Variants in KLHDC4 observed in about 807,000 individuals in gnomAD.
The protein encoded by KLHDC4 is kelch domain-containing protein 4.
In KLHDC4, 90 loss-of-function variants were observed where a neutral mutation model predicts 62.4. The observed-to-expected ratio is 1.44, with a 90% CI of 1.22 to 1.72. The LOEUF (loss-of-function observed/expected upper bound fraction) is 1.72. Ranked by LOEUF, KLHDC4 falls within the 40% of genes most tolerant of loss-of-function variation. KLHDC4 has a pLI of 0.00. For synonymous variants in KLHDC4, 386 were observed against 284.4 expected (o/e 1.36, Z -3.59); for missense variants, 1,025 against 699.7 (o/e 1.47, Z -5.25).
intron 5 of KLHDC4, 68 bp downstream of exon 5, chr16:87,748,605 C>T: frequency 2.5e-6 from 4 of 1,591,688 alleles, no homozygotes; most frequent in Non-Finnish European, 2.6e-6. Context: ...CTGCTCCGAG[C>T]ACTCGGGCTC....
chr16:87,720,821 C>A (rs1440431781), intron 7 of KLHDC4, among the ~76,000 whole-genome samples: 4 of 152,262 alleles, frequency 2.6e-5, no homozygotes, highest in Non-Finnish European at 5.9e-5. Context: ...TGTGCCCTGC[C>A]ACAGCCGCAG....
chr16:87,764,524 C>T (rs2046322208), intron 1 of KLHDC4, among the ~76,000 whole-genome samples: 1 of 151,650 alleles, frequency 6.6e-6, no homozygotes, highest in African/African-American at 2.4e-5. Context: ...TGGTGCATGC[C>T]TGTAATCTCA....
intron 5 of KLHDC4, among the ~76,000 whole-genome samples, chr16:87,747,186 G>A (rs2043165567): frequency 6.6e-6 from 1 of 152,240 alleles, no homozygotes; most frequent in Non-Finnish European, 1.5e-5. Context: ...TCACCACAGA[G>A]GCACCGGAGC....
chr16:87,715,416 G>A (rs113293577), intron 7 of KLHDC4, among the ~76,000 whole-genome samples: 4 of 152,072 alleles, frequency 2.6e-5, no homozygotes, highest in Non-Finnish European at 4.4e-5. Flanking sequence ...GCACTGACCC[G>A]TTACCGGGAG....
At chr16:87,760,096 T>TA (rs1256024797) in intron 2 of KLHDC4, among the ~76,000 whole-genome samples, 1 of 152,068 alleles carries the variant, frequency 6.6e-6, no homozygotes, top group African/African-American at 2.4e-5. Context: ...CAAAAGATCT[T>TA]AATCTCAGGA....
At chr16:87,753,123 G>T (rs1054806896) in intron 4 of KLHDC4, among the ~76,000 whole-genome samples, 1 of 152,226 alleles carries the variant, frequency 6.6e-6, no homozygotes, top group Non-Finnish European at 1.5e-5. Context: ...CGCAGAGGCA[G>T]CTAAAAGTGG....
chr16:87,722,564 C>T (rs563151651), intron 7 of KLHDC4, among the ~76,000 whole-genome samples: 8 of 152,338 alleles, frequency 5.3e-5, no homozygotes, highest in African/African-American at 1.7e-4. Flanking sequence ...GCACCAGGCA[C>T]GCAAGTGGAC....
chr16:87,698,609 T>TC (rs1331368207), exon 1 of KLHDC4: 1 of 152,256 alleles, frequency 6.6e-6, no homozygotes, highest in Non-Finnish European at 1.5e-5. Context: ...CCCCTTGCCT[T>TC]CCAGCAGCGA....
chr16:87,706,434 T>G (rs1256337084), downstream of KLHDC4, among the ~76,000 whole-genome samples: 55 of 64,882 alleles, frequency 8.5e-4, no homozygotes, highest in African/African-American at 1.3e-3. Flanking sequence ...TCCAGGGGGG[T>G]CGGCGGAGGG....
rs2035798874 is a variant in KLHDC4, at chr16:87,711,397, G to A, written c.882C>T (p.Thr294=). Residue 294 remains threonine, a synonymous_variant, in exon 9 of 12, where the codon ACC becomes ACT. Transcript: ENST00000270583. The part of the protein sequence containing the change: ...TRMNPSGVKP[T]PRSGFSVAMA... ...TGGCCACGGAAAAGCCAGACCGTGG[G>A]GTGGGCTTGACCCCCGAAGGGTTCA... 1 of 1,613,462 alleles carries A rather than the reference G, an allele frequency of 6.2e-7. No individual in the cohort carries two copies. The highest frequency in any genetic ancestry group is 1.7e-5 in the Admixed American group (1 of 60,020).
rs985616641 is a variant in KLHDC4 at position 87,748,582 on chromosome 16, G to C, written c.506+91C>G. The stretch of plus-strand genomic sequence containing the variant: ...TGTGACCCAAGTTCCTCTGAACCCT[G>C]GTATTCTGAGGTCTGCTCCGAGCAC... On this transcript the variant is annotated intron_variant, in intron 5 of 11. Transcript: ENST00000270583. 3 of 1,502,908 alleles carry C rather than the reference G, an allele frequency of 2.0e-6. No individual in the cohort carries two copies. In the Admixed American group the frequency reaches 5.7e-5, roughly 29 times the overall value. The allele number at this position is 1,502,908 out of a possible 1,614,324, so 93.1% of individuals were successfully genotyped here. A position where few individuals can be genotyped will look rare whatever the true frequency, so the allele number is the denominator to read the frequency against.
intron 1 of KLHDC4, chr16:87,765,025 G>A (rs1398907553): frequency 4.7e-6 from 2 of 429,794 alleles, no homozygotes; most frequent in Non-Finnish European, 9.4e-6. Flanking sequence ...TCACCTGTTG[G>A]TCTTCCTGTC....
At chr16:87,752,747 T>C (rs919203832) in intron 4 of KLHDC4, among the ~76,000 whole-genome samples, 3 of 152,088 alleles carry the variant, frequency 2.0e-5, no homozygotes, top group African/African-American at 7.2e-5. Context: ...AAGAGCTTCG[T>C]ATAGCCTACG....
intron 4 of KLHDC4, among the ~76,000 whole-genome samples, chr16:87,749,935 C>T (rs925845141): frequency 3.9e-5 from 6 of 152,190 alleles, no homozygotes; most frequent in African/African-American, 1.2e-4. Context: ...GGTGAAGGAG[C>T]GCAGCGGGAG....
intron 4 of KLHDC4, among the ~76,000 whole-genome samples, chr16:87,752,089 C>CAAA (rs1173625123): frequency 0.2 from 5,929 of 29,080 alleles, 907 homozygotes; most frequent in East Asian, 0.32. Flanking sequence ...GACTTTGTCT[C>CAAA]AAAAAAAAAA....
At chr16:87,719,404 C>T (rs2037796149) in intron 7 of KLHDC4, among the ~76,000 whole-genome samples, 1 of 152,132 alleles carries the variant, frequency 6.6e-6, no homozygotes, top group South Asian at 2.1e-4. Context: ...GTGCTGTGTC[C>T]ACTCAGGGTT....
At chr16:87,729,892 C>G (rs1305436202) in intron 6 of KLHDC4, among the ~76,000 whole-genome samples, 2 of 152,246 alleles carry the variant, frequency 1.3e-5, no homozygotes, top group Non-Finnish European at 1.5e-5. Flanking sequence ...GCGATCAGCA[C>G]TCTAACCAGC....
intron 2 of KLHDC4, among the ~76,000 whole-genome samples, chr16:87,759,125 T>C (rs1423140690): frequency 1.3e-5 from 2 of 152,096 alleles, no homozygotes; most frequent in African/African-American, 2.4e-5. Context: ...TGAGCCGATA[T>C]CATACCATTG....
intron 7 of KLHDC4, among the ~76,000 whole-genome samples, chr16:87,723,872 T>C (rs1376831727): frequency 6.6e-6 from 1 of 152,254 alleles, no homozygotes; most frequent in Admixed American, 6.5e-5. Context: ...AGTCTTGCTC[T>C]ATTGCCCAGG....
Sources: allele counts gnomAD v4.1 joint callset (sites outside exome capture counted in the v4.1 genomes callset), GRCh38; gene constraint gnomAD v4.1.1; transcripts MANE v1.5; gene names NCBI Gene and HGNC (gene_info 2026-07-23, HGNC 2026-07-21).